Variants in TSPAN7 observed in about 807,000 individuals in gnomAD.
TSPAN7 encodes tetraspanin 7.
In TSPAN7, 1 loss-of-function variant was observed where a neutral mutation model predicts 17.6. The observed-to-expected ratio is 0.06, with a 90% confidence interval of 0.02 to 0.27. The LOEUF (loss-of-function observed/expected upper bound fraction) is 0.27. Among genes scored for constraint, TSPAN7 ranks in the 10% least tolerant of loss-of-function variants. The pLI is 1.00. For missense variants in TSPAN7, 112 were observed against 201.7 expected, an observed-to-expected ratio of 0.56 and a Z score of 2.69; for synonymous variants, 78 against 79.0, an observed-to-expected ratio of 0.99 and a Z score of 0.07.
At chrX:38,644,291 T>C (rs1184482298) in intron 1 of TSPAN7, among the ~76,000 whole-genome samples, 2 of 112,106 alleles carry the variant, frequency 1.8e-5, no homozygotes, top group African/African-American at 6.5e-5. Context: ...CATTCTATGA[T>C]GTTAAATCTT....
At chrX:38,662,516 A>G (rs2069752876) in intron 1 of TSPAN7, among the ~76,000 whole-genome samples, 1 of 111,492 alleles carries the variant, frequency 9.0e-6, no homozygotes, top group East Asian at 2.8e-4. Flanking sequence ...TGGGTAGGGT[A>G]CAGAAGGACC....
chrX:38,684,869 G>A (rs769322989), intron 6 of TSPAN7, among the ~76,000 whole-genome samples: 2 of 111,533 alleles, frequency 1.8e-5, no homozygotes, highest in Non-Finnish European at 1.9e-5. Context: ...CTCTTCACCT[G>A]GCTTGCTGTA....
chrX:38,575,736 G>A (rs2069190870), intron 1 of TSPAN7, among the ~76,000 whole-genome samples: 1 of 112,275 alleles, frequency 8.9e-6, no homozygotes, highest in Admixed American at 9.4e-5. Flanking sequence ...AAAAATAAAT[G>A]TGGTTATAAA....
chrX:38,592,686 CT>C (rs1200716598), intron 1 of TSPAN7, among the ~76,000 whole-genome samples: 1 of 110,461 alleles, frequency 9.1e-6, no homozygotes, highest in Non-Finnish European at 1.9e-5. Context: ...CATTCCTAGC[CT>C]TTTTTTCTAT....
At chrX:38,662,449 G>A (rs1008919391) in intron 1 of TSPAN7, among the ~76,000 whole-genome samples, 6 of 111,545 alleles carry the variant, frequency 5.4e-5, no homozygotes, top group Non-Finnish European at 9.4e-5. Flanking sequence ...TTGACTGTGT[G>A]CAAGGTACAC....
intron 1 of TSPAN7, among the ~76,000 whole-genome samples, chrX:38,572,750 G>A (rs778166697): frequency 7.2e-4 from 80 of 111,522 alleles, no homozygotes; most frequent in African/African-American, 2.4e-3. Flanking sequence ...TAAGACTGTG[G>A]AAAATGTTGC....
chrX:38,580,889 T>C (rs2069224026), intron 1 of TSPAN7, among the ~76,000 whole-genome samples: 1 of 111,501 alleles, frequency 9.0e-6, no homozygotes, highest in Admixed American at 9.5e-5. Flanking sequence ...AGAGATGGGT[T>C]AGAGGGTACT....
At chrX:38,589,036 T>A (rs2069275316) in intron 1 of TSPAN7, among the ~76,000 whole-genome samples, 1 of 111,981 alleles carries the variant, frequency 8.9e-6, no homozygotes. Flanking sequence ...TGCTAATGGA[T>A]CTGTGGCTAT....
intron 5 of TSPAN7, 125 bp from the exon 6 acceptor site, chrX:38,681,079 G>C (rs1030684068): frequency 1.3e-4 from 70 of 559,940 alleles, no homozygotes; most frequent in African/African-American, 1.2e-3. Context: ...TAAATCCCTA[G>C]AGTGAGTTGC....
intron 1 of TSPAN7, among the ~76,000 whole-genome samples, chrX:38,632,081 T>C (rs1417982475): frequency 9.0e-6 from 1 of 111,514 alleles, no homozygotes; most frequent in Non-Finnish European, 1.9e-5. Flanking sequence ...GAGAACATTC[T>C]CTAGTGGATT....
intron 1 of TSPAN7, among the ~76,000 whole-genome samples, chrX:38,665,167 G>A (rs1405521745): frequency 8.9e-6 from 1 of 112,037 alleles, no homozygotes; most frequent in African/African-American, 3.2e-5. Context: ...CAAGGCATTT[G>A]GTATGAGACA....
At chrX:38,580,269 C>T (rs2069220891) in intron 1 of TSPAN7, among the ~76,000 whole-genome samples, 1 of 112,259 alleles carries the variant, frequency 8.9e-6, no homozygotes, top group South Asian at 3.7e-4. Flanking sequence ...TTTGCCAACC[C>T]CTAGTCTAGT....
At chrX:38,619,387 ACT>A (rs2069476298) in intron 1 of TSPAN7, among the ~76,000 whole-genome samples, 1 of 111,434 alleles carries the variant, frequency 9.0e-6, no homozygotes, top group Non-Finnish European at 1.9e-5. Flanking sequence ...CCTTGTTTAG[ACT>A]CTAAATGGTA....
intron 1 of TSPAN7, among the ~76,000 whole-genome samples, chrX:38,603,246 A>T (rs190042313): frequency 8.9e-6 from 1 of 112,222 alleles, no homozygotes; most frequent in East Asian, 2.8e-4. Flanking sequence ...TAGAATGTCT[A>T]TAATAAAAAA....
intron 1 of TSPAN7, among the ~76,000 whole-genome samples, chrX:38,597,560 A>G (rs1297536378): frequency 1.8e-5 from 2 of 111,619 alleles, no homozygotes; most frequent in African/African-American, 6.5e-5. Flanking sequence ...TATGTTAAGT[A>G]CAGTGTCTTT....
intron 1 of TSPAN7, among the ~76,000 whole-genome samples, chrX:38,567,060 A>T (rs887120213): frequency 8.2e-5 from 9 of 109,691 alleles, no homozygotes; most frequent in African/African-American, 3.1e-4. Flanking sequence ...GAGAAACATC[A>T]CTAATCTTTT....
At chrX:38,634,551 A>G (rs1277894762) in intron 1 of TSPAN7, among the ~76,000 whole-genome samples, 1 of 111,803 alleles carries the variant, frequency 8.9e-6, no homozygotes, top group Admixed American at 9.5e-5. Flanking sequence ...ATCTACATCC[A>G]GTTGTTTTGG....
chrX:38,590,818 T>A (rs1169952280), intron 1 of TSPAN7, among the ~76,000 whole-genome samples: 1 of 111,910 alleles, frequency 8.9e-6, no homozygotes, highest in Non-Finnish European at 1.9e-5. Context: ...TGTATTGGCA[T>A]AACATTTTTA....
intron 1 of TSPAN7, among the ~76,000 whole-genome samples, chrX:38,665,397 G>A (rs978389528): frequency 1.8e-5 from 2 of 111,413 alleles, no homozygotes; most frequent in African/African-American, 6.5e-5. Context: ...TGGCCTGCAG[G>A]GGGTGGGGTG....
Sources: allele counts gnomAD v4.1 joint callset (sites outside exome capture counted in the v4.1 genomes callset), GRCh38; gene constraint gnomAD v4.1.1; transcripts MANE v1.5; gene names NCBI Gene and HGNC (gene_info 2026-07-23, HGNC 2026-07-21).